DNAH11: variants seen among roughly 807,000 people sequenced by gnomAD.
DNAH11 encodes dynein axonemal heavy chain 11, also known as axonemal beta dynein heavy chain 11.
DNAH11 carries 442 observed loss-of-function variants against 526.0 expected under a neutral mutation model. The ratio of observed to expected loss-of-function variants is 0.84; its 90% CI spans 0.78 to 0.91. DNAH11 has a LOEUF of 0.91. Among genes scored for constraint, DNAH11 ranks in the 40% least tolerant of loss-of-function variants. The pLI, the probability that DNAH11 is intolerant of heterozygous loss-of-function variation, is 0.00. For missense variants in DNAH11, 6,989 were observed against 5,448.7 expected, an observed-to-expected ratio of 1.28 and a Z score of -8.90; for synonymous variants, 2,461 against 1,935.9, an observed-to-expected ratio of 1.27 and a Z score of -7.12.
rs1342718835 is a variant in DNAH11, at chr7:21,589,403, G to C, written c.2169G>C (p.Lys723Asn). 2.5e-6 allele frequency: 4 copies of C among 1,591,682 alleles called. No homozygotes were observed. Among genetic ancestry groups the C allele is most frequent in the African/African-American group, 1.4e-5 (1 of 73,674 alleles). The change falls in exon 12 of 82, where the codon AAG (lysine) becomes AAC (asparagine). Residue 723 changes from lysine (K) to asparagine (N), a missense_variant and splice_region_variant. Physicochemically the swap from Lys to Asn is moderately conservative, Grantham distance 94. Coordinates refer to ENST00000409508, the MANE Select transcript of DNAH11 (RefSeq NM_001277115.2). ...TTCTCTGTGTCAATTTTGACCCAAA[G>C]GTAGGGATTTGATTTTTTAAGATGA... ...NGLLCVNFDP[K>N]LVAVLREVKY...
intron 1 of DNAH11, among the ~76,000 whole-genome samples, chr7:21,544,461 A>T (rs994474750): frequency 3.9e-5 from 6 of 152,232 alleles, no homozygotes; most frequent in African/African-American, 1.4e-4. Context: ...GTTTGTCAGT[A>T]GACAAGGCGA....
intron 65 of DNAH11, 134 bp from the exon 66 acceptor site, chr7:21,842,410 G>T (rs1189285802): frequency 3.3e-5 from 21 of 641,076 alleles, no homozygotes; most frequent in Non-Finnish European, 4.3e-5. Context: ...GGAAATTTGG[G>T]AGTAGCTGAA....
intron 45 of DNAH11, among the ~76,000 whole-genome samples, chr7:21,726,711 A>G (rs190200628): frequency 0.016 from 2,407 of 150,104 alleles, 63 homozygotes; most frequent in African/African-American, 0.055. Context: ...AATACAAAAA[A>G]TTAGCCGGGT....
chr7:21,702,959 A>G (rs555641936), intron 37 of DNAH11, among the ~76,000 whole-genome samples, 157 bp downstream of exon 37: 2 of 152,336 alleles, frequency 1.3e-5, no homozygotes, highest in South Asian at 4.1e-4. Flanking sequence ...CGTTCCTTAT[A>G]AGAGGTCACA....
chr7:21,545,966 G>A (rs943879885), intron 2 of DNAH11, among the ~76,000 whole-genome samples: 3 of 152,148 alleles, frequency 2.0e-5, no homozygotes, highest in Admixed American at 6.5e-5. Flanking sequence ...AATTTAGAAC[G>A]TCCTGAATGG....
At chr7:21,699,364 T>C (rs1347465191) in intron 36 of DNAH11, among the ~76,000 whole-genome samples, 1 of 152,186 alleles carries the variant, frequency 6.6e-6, no homozygotes, top group East Asian at 1.9e-4. Context: ...AGAAATTACA[T>C]ATATATCAGC....
intron 34 of DNAH11, 62 bp from the exon 35 acceptor site, chr7:21,690,703 T>C (rs924256702): frequency 7.1e-6 from 9 of 1,266,726 alleles, no homozygotes; most frequent in Non-Finnish European, 1.0e-5. Context: ...GGTTTGCATT[T>C]GTCAATGTGC....
chr7:21,846,123 C>T (rs114638464), intron 66 of DNAH11, among the ~76,000 whole-genome samples: 1 of 152,116 alleles, frequency 6.6e-6, no homozygotes, highest in Non-Finnish European at 1.5e-5. Context: ...TTGCAAGAGG[C>T]CTTACGTTCA....
At chr7:21,685,556 T>A (rs1319127743) in intron 32 of DNAH11, among the ~76,000 whole-genome samples, 5 of 152,248 alleles carry the variant, frequency 3.3e-5, no homozygotes, top group Non-Finnish European at 5.9e-5. Context: ...TTCCATTATA[T>A]TTCATTTGAT....
At chr7:21,835,937 C>T (rs1164330859) in intron 65 of DNAH11, among the ~76,000 whole-genome samples, 2 of 149,608 alleles carry the variant, frequency 1.3e-5, no homozygotes, top group Non-Finnish European at 1.5e-5. Context: ...AATCAACATA[C>T]ATAAGTCAGT....
intron 69 of DNAH11, among the ~76,000 whole-genome samples, chr7:21,863,860 T>C (rs1454818588): frequency 6.6e-6 from 1 of 152,208 alleles, no homozygotes; most frequent in Admixed American, 6.5e-5. Flanking sequence ...TTTGAAGATA[T>C]CTGGAATTTT....
intron 65 of DNAH11, among the ~76,000 whole-genome samples, chr7:21,824,371 T>C (rs1790184816): frequency 6.6e-6 from 1 of 152,184 alleles, no homozygotes. Context: ...ATTGGAATGA[T>C]GTATCAGTTC....
intron 8 of DNAH11, among the ~76,000 whole-genome samples, chr7:21,574,851 G>C (rs1159558090): frequency 2.1e-5 from 3 of 140,234 alleles, no homozygotes; most frequent in African/African-American, 7.9e-5. Context: ...TTACAGGCGT[G>C]AGCCACTGCA....
chr7:21,857,338 C>T lies in DNAH11; in HGVS notation c.11202+2883C>T, dbSNP rs550327896. 4.6e-5 allele frequency among the ~76,000 whole-genome samples: 7 copies of T among 152,160 alleles called. 1 individual carries two copies. The South Asian group carries it at 1.5e-3, about 32-fold the overall frequency. ...TAAAGAAGTCCTAACTAAATAGATA[C>T]ACCATGTTCATCAGTTGGAATGCTC... is the stretch of plus-strand genomic sequence containing the variant. On this transcript the variant is annotated intron_variant, in intron 68 of 81. Coordinates refer to ENST00000409508, the MANE Select transcript of DNAH11 (RefSeq NM_001277115.2).
chr7:21,749,887 G>C (rs576123125), intron 53 of DNAH11, 86 bp downstream of exon 53: 1 of 1,574,798 alleles, frequency 6.4e-7, no homozygotes, highest in Non-Finnish European at 8.6e-7. Context: ...GAGAGAATTC[G>C]TCTTTGAGAT....
chr7:21,791,690 C>T (rs973382399), intron 61 of DNAH11, among the ~76,000 whole-genome samples: 1 of 152,128 alleles, frequency 6.6e-6, no homozygotes, highest in Admixed American at 6.6e-5. Flanking sequence ...CCTATGATTC[C>T]TGATGCATTA....
intron 45 of DNAH11, among the ~76,000 whole-genome samples, chr7:21,730,431 C>T (rs901470154): frequency 8.5e-5 from 13 of 152,308 alleles, no homozygotes; most frequent in Admixed American, 4.6e-4. Context: ...ATGCAAATGT[C>T]CCAAAACCCC....
At position 21,812,707 on chromosome 7, in the gene DNAH11, T is replaced by C. The variant is rs74650372; in HGVS notation, c.10333-3760T>C. Among the ~76,000 whole-genome samples the C allele has an allele frequency of 8.9e-3, 1,351 of 152,138 alleles. 76 individuals are homozygous for C. Among genetic ancestry groups the C allele is most frequent in the Admixed American group, 0.08 (1,224 of 15,258 alleles). Reference sequence around the variant, plus strand: ...TGGGAAGGGAGGAAAATGAACTCTTTCCACTTCAGAAGGCCCTCAAGTGAA... The same window carrying C: ...TGGGAAGGGAGGAAAATGAACTCTTCCCACTTCAGAAGGCCCTCAAGTGAA... On this transcript the variant is annotated intron_variant, in intron 63 of 81. Coordinates refer to ENST00000409508, the MANE Select transcript of DNAH11 (RefSeq NM_001277115.2).
Position 21,805,749 on chromosome 7 carries a change from G to C in DNAH11, c.10166-2134G>C, listed in dbSNP as rs190772190. ...GACTTTACTTACTCATGATGATTTA[G>C]ACAAGGAAGGGAAAAGAAAATTGTA... On this transcript the variant is annotated intron_variant, in intron 62 of 81. Transcript: ENST00000409508. Among the ~76,000 whole-genome samples the C allele has an allele frequency of 3.3e-5, 5 of 152,214 alleles. No individual in the cohort carries two copies. In the East Asian group the frequency reaches 7.7e-4, roughly 23 times the overall value.
Sources: allele counts gnomAD v4.1 joint callset (sites outside exome capture counted in the v4.1 genomes callset), GRCh38; gene constraint gnomAD v4.1.1; transcripts MANE v1.5; gene names NCBI Gene and HGNC (gene_info 2026-07-23, HGNC 2026-07-21).